Variants in STAT3 observed in about 807,000 individuals in gnomAD.
STAT3 encodes signal transducer and activator of transcription 3.
Under a neutral mutation model 114.3 loss-of-function variants are expected in STAT3, and 7 were observed. That is an observed-to-expected ratio of 0.06 (90% CI 0.03 to 0.11). The LOEUF is 0.11. Among genes scored for constraint, STAT3 ranks in the 10% least tolerant of loss-of-function variants. The pLI, the probability that STAT3 is intolerant of heterozygous loss-of-function variation, is 1.00. For synonymous variants in STAT3, 331 were observed against 354.5 expected, an observed-to-expected ratio of 0.93 and a Z score of 0.74; for missense variants, 364 against 960.9, an observed-to-expected ratio of 0.38 and a Z score of 8.21.
intron 1 of STAT3, among the ~76,000 whole-genome samples, chr17:42,381,569 T>TA (rs548780629): frequency 0.067 from 9,683 of 143,698 alleles, 350 homozygotes; most frequent in South Asian, 0.079. Flanking sequence ...ACTAAAAATA[T>TA]AAAAAAAAAA....
intron 1 of STAT3, among the ~76,000 whole-genome samples, chr17:42,352,287 C>A (rs12951192): frequency 6.6e-6 from 1 of 151,818 alleles, no homozygotes; most frequent in African/African-American, 2.4e-5. Flanking sequence ...TGTAGTGAGC[C>A]GAGATCGCAC....
intron 1 of STAT3, among the ~76,000 whole-genome samples, chr17:42,369,677 G>GTTTTGTT (rs2083999310): frequency 6.6e-6 from 1 of 151,970 alleles, no homozygotes; most frequent in Non-Finnish European, 1.5e-5. Context: ...AAGAGACAGG[G>GTTTTGTT]TCTCACTCTG....
At chr17:42,378,673 T>C (rs1197768780) in intron 1 of STAT3, among the ~76,000 whole-genome samples, 1 of 152,244 alleles carries the variant, frequency 6.6e-6, no homozygotes, top group African/African-American at 2.4e-5. Context: ...ATATTTATTA[T>C]GTCTAAACCA....
chr17:42,329,729 C>A lies in STAT3; in HGVS notation c.1139+18G>T. 1 of 1,614,228 alleles carries A rather than the reference C, an allele frequency of 6.2e-7. No homozygotes were observed. Among genetic ancestry groups the A allele is most frequent in the Non-Finnish European group, 8.5e-7 (1 of 1,180,038 alleles). On this transcript the variant is annotated intron_variant, in intron 12 of 23. Transcript: ENST00000264657. ...TTAGGTTAAACGGAACAAAAGGAAGCCTCTAGGCTGAACTTACCCTCTGAG... is the reference window on the plus strand; with the variant it reads ...TTAGGTTAAACGGAACAAAAGGAAGACTCTAGGCTGAACTTACCCTCTGAG...
intron 4 of STAT3, among the ~76,000 whole-genome samples, chr17:42,343,049 G>A (rs567567590): frequency 1.3e-5 from 2 of 150,572 alleles, no homozygotes; most frequent in Admixed American, 6.6e-5. Context: ...GCATGTGCCT[G>A]TAGTCCCAGC....
At chr17:42,372,031 C>T (rs2084180291) in intron 1 of STAT3, among the ~76,000 whole-genome samples, 1 of 152,140 alleles carries the variant, frequency 6.6e-6, no homozygotes, top group Non-Finnish European at 1.5e-5. Flanking sequence ...ATTATACACC[C>T]ATTAAAATGG....
At chr17:42,329,919 C>G (rs112994398) in intron 11 of STAT3, 143 bp from the exon 12 acceptor site, 27 of 950,296 alleles carry the variant, frequency 2.8e-5, no homozygotes, top group Non-Finnish European at 3.9e-5. Context: ...AGTTGATCAG[C>G]GCAACATAAC....
chr17:42,362,145 C>T (rs140262430), intron 1 of STAT3, among the ~76,000 whole-genome samples: 4 of 152,220 alleles, frequency 2.6e-5, no homozygotes, highest in Admixed American at 2.6e-4. Flanking sequence ...TTGGGCCACA[C>T]AGTCTCTAAA....
intron 1 of STAT3, among the ~76,000 whole-genome samples, chr17:42,362,170 T>A (rs545436637): frequency 6.6e-6 from 1 of 152,332 alleles, no homozygotes; most frequent in South Asian, 2.1e-4. Flanking sequence ...GTTTGTTCTA[T>A]AAATTACTGT....
chr17:42,358,579 TG>T (rs1449516284), intron 1 of STAT3, among the ~76,000 whole-genome samples: 1 of 152,130 alleles, frequency 6.6e-6, no homozygotes, highest in African/African-American at 2.4e-5. Flanking sequence ...ACCAAATTTG[TG>T]CATCAGATGA....
At chr17:42,347,108 A>C (rs1356446778) in intron 2 of STAT3, among the ~76,000 whole-genome samples, 1 of 150,128 alleles carries the variant, frequency 6.7e-6, no homozygotes, top group Admixed American at 6.7e-5. Context: ...GAATCGCTTG[A>C]ATCCAAGAGG....
Position 42,314,709 on chromosome 17 carries a change from T to C in STAT3, c.*1036A>G. On this transcript the variant is annotated 3_prime_UTR_variant, in exon 24 of 24. Transcript: ENST00000264657. ...AAATGCTTAGATTCTCCTTAAACCT[T>C]CCTATTTCAACACCAAAGGCCAGGT... 1 of 221,882 alleles carries C rather than the reference T, an allele frequency of 4.5e-6. No individual in the cohort carries two copies. The highest frequency in any genetic ancestry group is 9.0e-6 in the Non-Finnish European group (1 of 110,772). 13.7% of individuals were successfully genotyped at this position (221,882 alleles called of 1,614,324 possible). A position where few individuals can be genotyped will look rare whatever the true frequency, so the allele number is the denominator to read the frequency against.
At chr17:42,343,419 C>T (rs1161513467) in intron 4 of STAT3, among the ~76,000 whole-genome samples, 1 of 149,118 alleles carries the variant, frequency 6.7e-6, no homozygotes, top group African/African-American at 2.5e-5. Flanking sequence ...ATGCAAATTG[C>T]ATACATTTAG....
At chr17:42,340,950 TC>T (rs2082419593) in intron 4 of STAT3, among the ~76,000 whole-genome samples, 1 of 152,026 alleles carries the variant, frequency 6.6e-6, no homozygotes, top group Non-Finnish European at 1.5e-5. Context: ...CAGCTGAAGC[TC>T]CATATGGATG....
In STAT3 at chr17:42,320,409, C is replaced by T. The variant is rs147048070; in HGVS notation, c.2101+1873G>A. On this transcript the variant is annotated intron_variant, in intron 21 of 23. Transcript: ENST00000264657. ...TTTTTCAACAGCAACTAGGGCAAGG[C>T]GCCAACCCTAAAGGATCACATTAAA... Among the ~76,000 whole-genome samples the T allele has an allele frequency of 3.7e-3, 568 of 152,270 alleles. 7 individuals carry two copies. Among genetic ancestry groups the T allele is most frequent in the African/African-American group, 0.012 (493 of 41,552 alleles).
chr17:42,386,313 T>G (rs1475277174), intron 1 of STAT3, among the ~76,000 whole-genome samples: 1 of 151,564 alleles, frequency 6.6e-6, no homozygotes. Context: ...TCACTGATAC[T>G]TTTCACAAAA....
At chr17:42,336,978 T>C (rs983253226) in intron 8 of STAT3, among the ~76,000 whole-genome samples, 1 of 152,088 alleles carries the variant, frequency 6.6e-6, no homozygotes, top group African/African-American at 2.4e-5. Context: ...AACTTTATTT[T>C]ATTTTTATTT....
rs529514243 is a variant in STAT3, at chr17:42,383,913, C to T, written c.-24+4366G>A. ...GCACTTAAGCACACTATACTTTTTTCACCCAAAGTACCAAATCAAACTAGT... is the reference window on the plus strand; with the variant it reads ...GCACTTAAGCACACTATACTTTTTTTACCCAAAGTACCAAATCAAACTAGT... On this transcript the variant is annotated intron_variant, in intron 1 of 23. Transcript: ENST00000264657. 4.6e-5 allele frequency among the ~76,000 whole-genome samples: 7 copies of T among 152,280 alleles called. No homozygotes were observed. The East Asian group carries it at 1.4e-3, about 29-fold the overall frequency.
At chr17:42,346,954 T>G (rs1299237868) in intron 2 of STAT3, among the ~76,000 whole-genome samples, 1 of 152,094 alleles carries the variant, frequency 6.6e-6, no homozygotes, top group African/African-American at 2.4e-5. Flanking sequence ...TTTGGGAGGC[T>G]GAGGCAGGCG....
Sources: gnomAD v4.1 joint callset for allele counts (sites outside exome capture counted in the v4.1 genomes callset) on GRCh38, gnomAD v4.1.1 for gene constraint, MANE v1.5 for transcripts, NCBI Gene and HGNC (gene_info 2026-07-23, HGNC 2026-07-21) for gene names.